Variants in SRBD1 observed in about 807,000 individuals in gnomAD.
The protein encoded by SRBD1 is S1 RNA-binding domain-containing protein 1.
SRBD1 carries 88 observed loss-of-function variants against 115.3 expected under a neutral mutation model. The observed-to-expected ratio is 0.76, with a 90% CI of 0.64 to 0.91. The LOEUF (loss-of-function observed/expected upper bound fraction) is 0.91, where lower values mean the gene tolerates loss of function less well. Among genes scored for constraint, SRBD1 ranks in the 40% least tolerant of loss-of-function variants. The probability of loss-of-function intolerance (pLI) is 0.00; values close to 1 mark genes in which losing one functional copy is unlikely to be tolerated. For missense variants in SRBD1, 1,385 were observed against 1,177.4 expected, an observed-to-expected ratio of 1.18 and a Z score of -2.58; for synonymous variants, 509 against 407.7, an observed-to-expected ratio of 1.25 and a Z score of -2.99.
chr2:45,576,200 C>T (rs1004261852), intron 7 of SRBD1, among the ~76,000 whole-genome samples: 2 of 152,150 alleles, frequency 1.3e-5, no homozygotes, highest in African/African-American at 4.8e-5. Context: ...TAATCCACTT[C>T]CATTTAATAA....
chr2:45,607,717 A>G (rs1274373440), intron 1 of SRBD1, among the ~76,000 whole-genome samples: 1 of 152,198 alleles, frequency 6.6e-6, no homozygotes, highest in African/African-American at 2.4e-5. Flanking sequence ...ACAAAGGAAT[A>G]TCTCTAAGTG....
chr2:45,401,629 C>T (rs1454093060), intron 19 of SRBD1, among the ~76,000 whole-genome samples: 3 of 152,162 alleles, frequency 2.0e-5, no homozygotes. Context: ...GCAAGTTTCC[C>T]ACAAAGGAAC....
intron 9 of SRBD1, among the ~76,000 whole-genome samples, chr2:45,563,692 A>G (rs1012871045): frequency 6.6e-6 from 1 of 152,142 alleles, no homozygotes; most frequent in African/African-American, 2.4e-5. Context: ...GACAAATTAG[A>G]TAACTAAGAT....
chr2:45,509,425 T>C (rs1002283040), intron 14 of SRBD1, among the ~76,000 whole-genome samples: 3 of 151,774 alleles, frequency 2.0e-5, no homozygotes, highest in African/African-American at 4.8e-5. Context: ...TGAAACCCCA[T>C]CTCTACTAAA....
At chr2:45,578,614 A>C (rs1019030591) in intron 7 of SRBD1, among the ~76,000 whole-genome samples, 2 of 152,074 alleles carry the variant, frequency 1.3e-5, no homozygotes, top group South Asian at 2.1e-4. Context: ...CATACTGTGG[A>C]TTTTGTTATC....
chr2:45,564,591 C>T (rs1158253266), intron 9 of SRBD1, among the ~76,000 whole-genome samples: 2 of 152,134 alleles, frequency 1.3e-5, no homozygotes, highest in Admixed American at 6.5e-5. Flanking sequence ...TTAATTTATA[C>T]ATACTAGCAA....
chr2:45,452,127 G>C (rs1368541763), intron 16 of SRBD1, among the ~76,000 whole-genome samples: 1 of 151,870 alleles, frequency 6.6e-6, no homozygotes, highest in Non-Finnish European at 1.5e-5. Flanking sequence ...ACCAAAAACT[G>C]CTTTCATATG....
intron 16 of SRBD1, among the ~76,000 whole-genome samples, chr2:45,450,914 G>A (rs1179906878): frequency 6.6e-6 from 1 of 152,128 alleles, no homozygotes; most frequent in South Asian, 2.1e-4. Flanking sequence ...CTGAGCATAA[G>A]TGGGAACTCC....
At chr2:45,509,876 A>T (rs1670914409) in intron 14 of SRBD1, among the ~76,000 whole-genome samples, 3 of 152,226 alleles carry the variant, frequency 2.0e-5, no homozygotes, top group East Asian at 1.9e-4. Context: ...CTGGGATTAC[A>T]GGCGTGTGCC....
chr2:45,437,655 G>A (rs916534188), intron 16 of SRBD1, among the ~76,000 whole-genome samples: 1 of 152,202 alleles, frequency 6.6e-6, no homozygotes, highest in Non-Finnish European at 1.5e-5. Flanking sequence ...CTGAGCTCAG[G>A]AGGCGGAGGT....
chr2:45,439,140 A>G (rs1414504297), intron 16 of SRBD1, among the ~76,000 whole-genome samples: 1 of 152,038 alleles, frequency 6.6e-6, no homozygotes, highest in Non-Finnish European at 1.5e-5. Flanking sequence ...CTCAAATTCT[A>G]TATCTTTAAA....
chr2:45,505,905 T>A (rs2103908377), intron 14 of SRBD1, among the ~76,000 whole-genome samples: 1 of 152,336 alleles, frequency 6.6e-6, no homozygotes, highest in African/African-American at 2.4e-5. Context: ...CTCCCAGTCA[T>A]CTTTTCACTG....
At chr2:45,426,439 C>A (rs1668157911) in intron 16 of SRBD1, among the ~76,000 whole-genome samples, 1 of 152,216 alleles carries the variant, frequency 6.6e-6, no homozygotes, top group Non-Finnish European at 1.5e-5. Flanking sequence ...CAGACTTAAA[C>A]GTTCTTGCCT....
In SRBD1 at chr2:45,546,810, G is replaced by A; in HGVS notation, c.1796C>T (p.Thr599Ile). Residue 599 changes from threonine (T) to isoleucine (I), a missense_variant, in exon 14 of 21, where the codon ACT becomes ATT. Thr to Ile is a moderately conservative substitution (Grantham distance 89, BLOSUM62 -1). Transcript: ENST00000263736. ...NCSTVVIGNG[T>I]ACRETEAYFA... is the part of the protein sequence containing the mutation. ...GTAAGCTTCTGTTTCCCTGCAGGCA[G>A]TTCCATTTCCAATCACTACTGTGCT... 2 of 1,614,132 alleles carry A rather than the reference G, an allele frequency of 1.2e-6. No homozygotes were observed. Among genetic ancestry groups the A allele is most frequent in the South Asian group, 1.1e-5 (1 of 91,086 alleles).
chr2:45,437,035 G>A (rs917635038), intron 16 of SRBD1, among the ~76,000 whole-genome samples: 1 of 152,022 alleles, frequency 6.6e-6, no homozygotes, highest in Non-Finnish European at 1.5e-5. Context: ...CCCTCCAAAA[G>A]CTTAAAGTAT....
At chr2:45,498,688 C>T (rs974330550) in intron 14 of SRBD1, among the ~76,000 whole-genome samples, 5 of 152,126 alleles carry the variant, frequency 3.3e-5, no homozygotes, top group African/African-American at 1.2e-4. Context: ...TACCATTCTA[C>T]TCTCTGTCTC....
intron 16 of SRBD1, among the ~76,000 whole-genome samples, chr2:45,466,141 T>C (rs1231248145): frequency 1.3e-5 from 2 of 152,174 alleles, no homozygotes; most frequent in Non-Finnish European, 2.9e-5. Flanking sequence ...TTCAGACACT[T>C]AACACTAGCT....
intron 1 of SRBD1, among the ~76,000 whole-genome samples, chr2:45,609,891 T>C (rs1674391117): frequency 6.6e-6 from 1 of 152,216 alleles, no homozygotes; most frequent in East Asian, 1.9e-4. Context: ...AAGAAGGAAA[T>C]GCATGTGCCT....
chr2:45,553,122 T>C (rs756344548), intron 11 of SRBD1, among the ~76,000 whole-genome samples: 17 of 152,218 alleles, frequency 1.1e-4, no homozygotes, highest in African/African-American at 1.9e-4. Context: ...TCTTCTGTCC[T>C]GAAAACAATT....
Sources: allele counts gnomAD v4.1 joint callset (sites outside exome capture counted in the v4.1 genomes callset), GRCh38; gene constraint gnomAD v4.1.1; transcripts MANE v1.5; gene names NCBI Gene and HGNC (gene_info 2026-07-23, HGNC 2026-07-21).